TNKS1BP1: variants seen among roughly 807,000 people sequenced by gnomAD.
The protein encoded by TNKS1BP1 is 182 kDa tankyrase-1-binding protein.
In TNKS1BP1, 48 loss-of-function variants were observed where a neutral mutation model predicts 141.1. The ratio of observed to expected loss-of-function variants is 0.34; its 90% CI spans 0.27 to 0.43. The LOEUF (loss-of-function observed/expected upper bound fraction) is 0.43. Among genes scored for constraint, TNKS1BP1 ranks in the 20% least tolerant of loss-of-function variants. TNKS1BP1 has a pLI of 1.00. For synonymous variants in TNKS1BP1, 875 were observed against 898.2 expected (o/e 0.97, Z 0.46); for missense variants, 2,149 against 2,226.0 (o/e 0.97, Z 0.70).
In TNKS1BP1 at chr11:57,301,026, G is replaced by C; in HGVS notation, c.4987C>G (p.Arg1663Gly). 1.9e-6 allele frequency: 3 copies of C among 1,611,870 alleles called. No homozygotes were observed. Among genetic ancestry groups the C allele is most frequent in the Non-Finnish European group, 2.5e-6 (3 of 1,178,864 alleles). The stretch of plus-strand genomic sequence containing the variant: ...TCTCCCTCCTCAGCTGAGCGATTCC[G>C]GGGGCGCAGCTTGGCCTGAGAAGCA... ...PSALKAKLRP[R>G]NRSAEEGELA... The change falls in exon 10 of 12, where the codon CGG becomes GGG. Residue 1663 changes from arginine (R) to glycine (G), a missense_variant. By Grantham distance (125) the Arg-to-Gly change is moderately radical. Transcript: ENST00000358252.
rs78723794 is a variant in TNKS1BP1 at position 57,308,617 on chromosome 11, T to C, written c.4094A>G (p.His1365Arg). The change falls in exon 6 of 12, where the codon CAT becomes CGT. Residue 1365 changes from histidine (H) to arginine (R), a missense_variant. Transcript: ENST00000358252. ...LFGAPSEARE[H>R]GVGGVSQCPE... ...GCACTGGCTCACCCCGCCCACCCCA[T>C]GCTCCCTGGCTTCACTTGGAGCCCC... 1.0e-3 allele frequency: 1,398 copies of C among 1,380,716 alleles called. 15 individuals carry two copies. The African/African-American group carries it at 0.019, about 19-fold the overall frequency. 85.5% of individuals were successfully genotyped at this position (1,380,716 alleles called of 1,614,324 possible). A position where few individuals can be genotyped will look rare whatever the true frequency, so the allele number is the denominator to read the frequency against.
At chr11:57,311,834 C>T (rs1855717482) in intron 5 of TNKS1BP1, among the ~76,000 whole-genome samples, 1 of 152,268 alleles carries the variant, frequency 6.6e-6, no homozygotes, top group African/African-American at 2.4e-5. Flanking sequence ...GGCTAACCTC[C>T]TCTGAGGCCC....
chr11:57,310,921 G>A (rs529320789), intron 5 of TNKS1BP1, among the ~76,000 whole-genome samples: 117 of 152,320 alleles, frequency 7.7e-4, no homozygotes, highest in Middle Eastern at 3.4e-3. Context: ...AGGAATGGCA[G>A]GCAGTGCACT....
rs778907460 is a variant in TNKS1BP1 at position 57,324,890 on chromosome 11, CCCGCCGCCGCCGCCGCTGCTA to C, written c.-137_-117del. The C allele has an allele frequency of 4.8e-3, 4,728 of 991,794 alleles. 8 individuals are homozygous for C. The highest frequency in any genetic ancestry group is 5.2e-3 in the Non-Finnish European group (4,377 of 835,452). 61.4% of individuals were successfully genotyped at this position (991,794 alleles called of 1,614,324 possible). A position where few individuals can be genotyped will look rare whatever the true frequency, so the allele number is the denominator to read the frequency against. On this transcript the variant is annotated 5_prime_UTR_variant, in exon 1 of 12. Transcript: ENST00000358252. ...TCGGCTCGGGGCCCCGATGCCAGTC[CCCGCCGCCGCCGCCGCTGCTA>C]CCGCCGCCGCCGCCGCCGTCACCGC...
At chr11:57,322,805 A>C (rs1208031636) in intron 1 of TNKS1BP1, among the ~76,000 whole-genome samples, 2 of 152,184 alleles carry the variant, frequency 1.3e-5, no homozygotes, top group African/African-American at 4.8e-5. Flanking sequence ...CTTCCACGAC[A>C]GTCAGGGTGG....
At chr11:57,305,767 C>T (rs1308374045) in intron 6 of TNKS1BP1, among the ~76,000 whole-genome samples, 1 of 152,250 alleles carries the variant, frequency 6.6e-6, no homozygotes, top group African/African-American at 2.4e-5. Flanking sequence ...GAACAATTAA[C>T]AAAACCCCAT....
In TNKS1BP1 at chr11:57,302,433, C is replaced by G. The variant is rs770037252; in HGVS notation, c.4683+26G>C. ...TCGCTGCATCGCCCTCACCCACCCA[C>G]TGTCATGGGCTCACCCTCCACTGAC... On this transcript the variant is annotated intron_variant, in intron 7 of 11. Coordinates refer to ENST00000358252, the MANE Select transcript of TNKS1BP1 (RefSeq NM_033396.3). This position sits in a 1 kb window ranked among gnomAD's most constrained non-coding sequence, Gnocchi z 5.5. 3 of 1,563,792 alleles carry G rather than the reference C, an allele frequency of 1.9e-6. No homozygotes were observed. Among genetic ancestry groups the G allele is most frequent in the Admixed American group, 3.5e-5 (2 of 57,124 alleles).
In TNKS1BP1 at chr11:57,308,542, G is replaced by T. The variant is rs373622321; in HGVS notation, c.4169C>A (p.Ala1390Asp). The part of the protein sequence containing the change: ...HNGSLSPGLE[A>D]RDPLEARELG... Reference sequence around the variant, plus strand: ...CTCCCTGGCCTCCAAGGGGTCTCTGGCCTCCAGGCCAGGAGACAAGCTGCC... The same window carrying T: ...CTCCCTGGCCTCCAAGGGGTCTCTGTCCTCCAGGCCAGGAGACAAGCTGCC... Residue 1390 changes from alanine to aspartate, a missense_variant, in exon 6 of 12, where the codon GCC becomes GAC. Physicochemically the swap from Ala to Asp is moderately radical, Grantham distance 126. Transcript: ENST00000358252. 8 of 1,613,994 alleles carry T rather than the reference G, an allele frequency of 5.0e-6. No homozygotes were observed. Among genetic ancestry groups the T allele is most frequent in the African/African-American group, 4.0e-5 (3 of 74,904 alleles).
intron 1 of TNKS1BP1, 95 bp downstream of exon 1, chr11:57,324,745 G>T: frequency 1.0e-6 from 1 of 973,946 alleles, no homozygotes; most frequent in Non-Finnish European, 1.2e-6. Context: ...TCAACCCGAG[G>T]TGTCGGCTGG....
Position 57,310,245 on chromosome 11 carries a change from GT to G in TNKS1BP1, c.2465del (p.Asp822AlafsTer3), listed in dbSNP as rs1397726632. On this transcript the variant is annotated frameshift_variant, in exon 6 of 12. Transcript: ENST00000358252. LOFTEE classifies it high-confidence loss of function. ...GCTGGGCTGGCTTTCCAACTACCCG[GT>G]CCTGGGCTGTGAGCACCCCTGGGGC... ...VSAPGVLTAQ[D>X]RVVGKPAQLG... 1.2e-6 allele frequency: 2 copies of G among 1,614,006 alleles called. No individual in the cohort carries two copies. The highest frequency in any genetic ancestry group is 1.3e-5 in the African/African-American group (1 of 74,898).
Position 57,302,844 on chromosome 11 carries a change from G to A in TNKS1BP1, c.4317-19C>T. 3 of 1,502,410 alleles carry A rather than the reference G, an allele frequency of 2.0e-6. No homozygotes were observed. The highest frequency in any genetic ancestry group is 1.4e-5 in the African/African-American group (1 of 72,404). The allele number at this position is 1,502,410 out of a possible 1,614,324, so 93.1% of individuals were successfully genotyped here. On this transcript the variant is annotated intron_variant, in intron 6 of 11. Transcript: ENST00000358252. The surrounding 1 kb of genome is among the most constrained non-coding windows in gnomAD (Gnocchi z 5.5). ...GCCAGGGCTGTAAAGGGGACAGAGA[G>A]AGAACGAGATCATCGTAAGGCCCCA...
At position 57,320,564 on chromosome 11, in the gene TNKS1BP1, C is replaced by T; in HGVS notation, c.243G>A (p.Met81Ile). ...PLAELPSARK[M>I]NMLAGPQPYG... The stretch of plus-strand genomic sequence containing the variant: ...AGGGCTGGGGTCCTGCCAGCATGTT[C>T]ATCTTCCTGGCAGAAGGCAACTCAG... Residue 81 changes from methionine to isoleucine, a missense_variant, in exon 3 of 12, where the codon ATG becomes ATA. Coordinates refer to ENST00000358252, the MANE Select transcript of TNKS1BP1 (RefSeq NM_033396.3). 6.2e-7 allele frequency: 1 copy of T among 1,614,126 alleles called. No homozygotes were observed. The highest frequency in any genetic ancestry group is 8.5e-7 in the Non-Finnish European group (1 of 1,180,002).
chr11:57,315,140 C>T (rs546792262), intron 4 of TNKS1BP1, among the ~76,000 whole-genome samples: 58 of 152,108 alleles, frequency 3.8e-4, no homozygotes, highest in African/African-American at 1.3e-3. Context: ...AGTGACTGTG[C>T]GACCCATCCT....
At position 57,308,329 on chromosome 11, in the gene TNKS1BP1, G is replaced by A; in HGVS notation, c.4316+66C>T. 3 of 1,528,290 alleles carry A rather than the reference G, an allele frequency of 2.0e-6. No individual in the cohort carries two copies. The Admixed American group carries it at 6.3e-5, about 32-fold the overall frequency. The allele number at this position is 1,528,290 out of a possible 1,614,324, so 94.7% of individuals were successfully genotyped here. A position where few individuals can be genotyped will look rare whatever the true frequency, so the allele number is the denominator to read the frequency against. ...AACTGTTTCTTCCCTCCTCAGAAAG[G>A]TTCCGATTTCTTGGACAGCCTTCAC... On this transcript the variant is annotated intron_variant, in intron 6 of 11. Coordinates refer to ENST00000358252, the MANE Select transcript of TNKS1BP1 (RefSeq NM_033396.3).
intron 4 of TNKS1BP1, among the ~76,000 whole-genome samples, chr11:57,315,873 G>A (rs1454903784): frequency 6.6e-6 from 1 of 151,684 alleles, no homozygotes; most frequent in African/African-American, 2.4e-5. Flanking sequence ...TCTCTCTCCT[G>A]CATCGATTTT....
chr11:57,317,672 A>C, intron 4 of TNKS1BP1, 146 bp downstream of exon 4: 1 of 877,492 alleles, frequency 1.1e-6, no homozygotes, highest in Admixed American at 2.4e-5. Context: ...GAGTCGAAAA[A>C]TCCCAGGGCC....
In TNKS1BP1 at chr11:57,320,401, A is replaced by C. The variant is rs751791041; in HGVS notation, c.406T>G (p.Cys136Gly). ...EPPPLTPPAR[C>G]AAPGGVRKAP... ...TTCCGTACACCCCCTGGGGCTGCACATCGAGCTGGGGGTGTCAAAGGGGGT... is the reference window on the plus strand; with the variant it reads ...TTCCGTACACCCCCTGGGGCTGCACCTCGAGCTGGGGGTGTCAAAGGGGGT... Residue 136 changes from cysteine to glycine, a missense_variant, in exon 3 of 12, where the codon TGT (cysteine) becomes GGT (glycine). Cys to Gly is a radical substitution (Grantham distance 159, BLOSUM62 -3). Coordinates refer to ENST00000358252, the MANE Select transcript of TNKS1BP1 (RefSeq NM_033396.3). 3.1e-6 allele frequency: 5 copies of C among 1,612,446 alleles called. No individual in the cohort carries two copies. Among genetic ancestry groups the C allele is most frequent in the Non-Finnish European group, 4.2e-6 (5 of 1,178,678 alleles).
At chr11:57,304,084 G>A (rs1855570792) in intron 6 of TNKS1BP1, among the ~76,000 whole-genome samples, 1 of 151,936 alleles carries the variant, frequency 6.6e-6, no homozygotes, top group African/African-American at 2.4e-5. Flanking sequence ...ACGGCACAGA[G>A]CCACACCTGA....
chr11:57,312,749 C>G lies in TNKS1BP1; in HGVS notation c.1939G>C (p.Glu647Gln). 1 of 1,593,788 alleles carries G rather than the reference C, an allele frequency of 6.3e-7. No homozygotes were observed. The highest frequency in any genetic ancestry group is 1.3e-5 in the African/African-American group (1 of 74,716). ...APEPGQALPV[E>Q]EEAVTLARAE... ...CGGGCTAGGGTCACGGCCTCCTCCT[C>G]AACAGGCAGTGCCTGTCCAGGCTCA... Residue 647 changes from glutamate to glutamine, a missense_variant, in exon 5 of 12, where the codon GAG becomes CAG. By Grantham distance (29) the Glu-to-Gln change is conservative. Coordinates refer to ENST00000358252, the MANE Select transcript of TNKS1BP1 (RefSeq NM_033396.3).
Sources: gnomAD v4.1 joint callset for allele counts (sites outside exome capture counted in the v4.1 genomes callset) on GRCh38, gnomAD v4.1.1 for gene constraint, Gnocchi (gnomAD v3.1) non-coding constraint, MANE v1.5 for transcripts, NCBI Gene and HGNC (gene_info 2026-07-23, HGNC 2026-07-21) for gene names.